Variants in DYM observed in about 807,000 individuals in gnomAD.
The protein encoded by DYM is dymeclin.
In DYM, 78 loss-of-function variants were observed where a neutral mutation model predicts 93.1. That is an observed-to-expected ratio of 0.84 (90% CI 0.70 to 1.01). The LOEUF (loss-of-function observed/expected upper bound fraction) is 1.01. Among genes scored for constraint, DYM ranks in the 50% least tolerant of loss-of-function variants. The pLI, the probability that DYM is intolerant of heterozygous loss-of-function variation, is 0.00. For synonymous variants in DYM, 321 were observed against 319.7 expected, an observed-to-expected ratio of 1.00 and a Z score of -0.04; for missense variants, 789 against 845.0, an observed-to-expected ratio of 0.93 and a Z score of 0.82.
intron 14 of DYM, among the ~76,000 whole-genome samples, chr18:49,175,305 C>T (rs1020066857): frequency 3.3e-5 from 5 of 152,146 alleles, no homozygotes; most frequent in African/African-American, 1.2e-4. Flanking sequence ...ACTGCAATGA[C>T]GTCGGTATTC....
At chr18:49,192,168 C>T (rs1035784988) in intron 14 of DYM, among the ~76,000 whole-genome samples, 1 of 145,170 alleles carries the variant, frequency 6.9e-6, no homozygotes, top group Non-Finnish European at 1.5e-5. Context: ...TGGCCTCAAG[C>T]GATCCTTCCA....
chr18:49,248,663 C>T (rs2094219890), intron 13 of DYM, among the ~76,000 whole-genome samples: 1 of 151,532 alleles, frequency 6.6e-6, no homozygotes, highest in Admixed American at 6.6e-5. Context: ...CACTTAATTT[C>T]TAGATACAAC....
At chr18:49,417,142 G>C (rs2073086666) in intron 2 of DYM, among the ~76,000 whole-genome samples, 1 of 152,106 alleles carries the variant, frequency 6.6e-6, no homozygotes, top group Non-Finnish European at 1.5e-5. Flanking sequence ...GGTGGTAGCG[G>C]TGGTGTTGGT....
chr18:49,188,366 G>C (rs2090648513), intron 14 of DYM, among the ~76,000 whole-genome samples: 1 of 152,132 alleles, frequency 6.6e-6, no homozygotes, highest in Admixed American at 6.5e-5. Flanking sequence ...TAGCACAGAA[G>C]GAGCATATTC....
chr18:49,212,231 G>A (rs1255816693), intron 13 of DYM, among the ~76,000 whole-genome samples: 1 of 152,086 alleles, frequency 6.6e-6, no homozygotes, highest in Non-Finnish European at 1.5e-5. Context: ...CATGATTTTG[G>A]TATTAGATTC....
intron 8 of DYM, among the ~76,000 whole-genome samples, chr18:49,295,875 T>C (rs1045104894): frequency 6.6e-6 from 1 of 152,158 alleles, no homozygotes; most frequent in Non-Finnish European, 1.5e-5. Flanking sequence ...TTTACCCAGC[T>C]TCCTCTAATG....
At chr18:49,083,219 T>G (rs1007407254) in intron 17 of DYM, among the ~76,000 whole-genome samples, 11 of 152,180 alleles carry the variant, frequency 7.2e-5, no homozygotes, top group Non-Finnish European at 1.3e-4. Flanking sequence ...CAGGCAGGAT[T>G]TGGCCTGTGG....
chr18:49,382,620 ACT>A (rs1157196088), intron 3 of DYM, among the ~76,000 whole-genome samples: 6 of 151,994 alleles, frequency 3.9e-5, no homozygotes, highest in African/African-American at 1.5e-4. Flanking sequence ...TAGATTATAG[ACT>A]CTGACGAAGT....
At chr18:49,337,374 T>C (rs944060814) in intron 6 of DYM, among the ~76,000 whole-genome samples, 15 of 152,104 alleles carry the variant, frequency 9.9e-5, no homozygotes, top group Non-Finnish European at 1.8e-4. Context: ...TCCATACATG[T>C]GGATTGGATG....
intron 16 of DYM, among the ~76,000 whole-genome samples, chr18:49,112,319 G>A (rs1474344468): frequency 6.6e-6 from 1 of 152,102 alleles, no homozygotes; most frequent in East Asian, 1.9e-4. Context: ...TCTGGTGCTT[G>A]GGTCTCCTGG....
chr18:49,144,809 C>T (rs1254045638), intron 15 of DYM, among the ~76,000 whole-genome samples: 6 of 151,906 alleles, frequency 3.9e-5, no homozygotes, highest in Non-Finnish European at 8.8e-5. Context: ...AACCTAGGTT[C>T]CTGGGCCAGG....
chr18:49,069,974 C>G (rs1431664628), intron 17 of DYM, among the ~76,000 whole-genome samples: 1 of 152,148 alleles, frequency 6.6e-6, no homozygotes, highest in Non-Finnish European at 1.5e-5. Flanking sequence ...CCGGGGGGTG[C>G]AGGTTGTGGT....
At chr18:49,168,577 G>A (rs2145191959) in intron 14 of DYM, among the ~76,000 whole-genome samples, 1 of 152,198 alleles carries the variant, frequency 6.6e-6, no homozygotes, top group East Asian at 1.9e-4. Flanking sequence ...GACTGTGAAG[G>A]GCCGCTTTAT....
intron 17 of DYM, among the ~76,000 whole-genome samples, chr18:49,044,866 G>A (rs1481150317): frequency 2.6e-5 from 4 of 152,270 alleles, no homozygotes. Context: ...CAAACACATC[G>A]CAGGTGCCCT....
intron 8 of DYM, among the ~76,000 whole-genome samples, chr18:49,289,754 T>TATACAC (rs1568181063): frequency 2.1e-5 from 1 of 47,530 alleles, no homozygotes; most frequent in Non-Finnish European, 3.7e-5. Context: ...TATATATATA[T>TATACAC]ATATATATAT....
intron 2 of DYM, among the ~76,000 whole-genome samples, chr18:49,406,229 C>G (rs911892931): frequency 1.3e-5 from 2 of 152,020 alleles, no homozygotes; most frequent in African/African-American, 2.4e-5. Context: ...ATTGCTCAGG[C>G]TAGGATGACC....
intron 17 of DYM, among the ~76,000 whole-genome samples, chr18:49,076,208 T>C (rs1307418540): frequency 6.6e-6 from 1 of 152,232 alleles, no homozygotes; most frequent in Non-Finnish European, 1.5e-5. Context: ...TGTGTAGAGA[T>C]ATATGAATAT....
chr18:49,153,062 A>G (rs1048009043), intron 15 of DYM, among the ~76,000 whole-genome samples: 4 of 152,302 alleles, frequency 2.6e-5, no homozygotes, highest in Admixed American at 2.0e-4. Flanking sequence ...AGTTAATAAT[A>G]CTGTATTGTA....
At chr18:49,363,280 G>C (rs1192360719) in intron 5 of DYM, 47 bp from the exon 6 acceptor site, 4 of 1,311,610 alleles carry the variant, frequency 3.0e-6, no homozygotes, top group South Asian at 1.2e-5. Context: ...GTACACAGTA[G>C]AATACAGTTG....
Sources: allele counts gnomAD v4.1 joint callset (sites outside exome capture counted in the v4.1 genomes callset), GRCh38; gene constraint gnomAD v4.1.1; transcripts MANE v1.5; gene names NCBI Gene and HGNC (gene_info 2026-07-23, HGNC 2026-07-21).